Variants in KCNMA1 observed in about 807,000 individuals in gnomAD.
KCNMA1 encodes Calcium-activated potassium channel subunit alpha-1.
A neutral mutation model predicts 140.0 loss-of-function variants in KCNMA1; 29 were observed. The ratio of observed to expected loss-of-function variants is 0.21; its 90% confidence interval spans 0.15 to 0.28. The LOEUF is 0.28. Among genes scored for constraint, KCNMA1 ranks in the 10% least tolerant of loss-of-function variants. The probability of loss-of-function intolerance (pLI) is 1.00; values close to 1 mark genes in which losing one functional copy is unlikely to be tolerated. For synonymous variants in KCNMA1, 612 were observed against 611.9 expected (o/e 1.00, Z 0.00); for missense variants, 880 against 1,602.2 (o/e 0.55, Z 7.70).
chr10:77,268,362 C>T (rs925259979), intron 2 of KCNMA1, among the ~76,000 whole-genome samples: 1 of 152,158 alleles, frequency 6.6e-6, no homozygotes, highest in Non-Finnish European at 1.5e-5. Context: ...TCATGCTGTT[C>T]GCAGAGTATA....
intron 5 of KCNMA1, among the ~76,000 whole-genome samples, chr10:77,136,148 A>G (rs35338863): frequency 0.24 from 36,493 of 152,164 alleles, 5,291 homozygotes; most frequent in Middle Eastern, 0.34. Flanking sequence ...CATTTCTGGG[A>G]ATATAGCCTA....
chr10:77,022,921 T>A (rs1323580287), intron 16 of KCNMA1: 1 of 455,120 alleles, frequency 2.2e-6, no homozygotes, highest in Non-Finnish European at 4.4e-6. Flanking sequence ...TATCCCAATA[T>A]GTAAACAGCC....
At chr10:77,452,347 C>A (rs545693394) in intron 1 of KCNMA1, among the ~76,000 whole-genome samples, 33 of 152,100 alleles carry the variant, frequency 2.2e-4, no homozygotes, top group Non-Finnish European at 4.1e-4. Flanking sequence ...TGACATCCAG[C>A]CAGCATTCTT....
chr10:77,560,225 C>T (rs2065913137), intron 1 of KCNMA1, among the ~76,000 whole-genome samples: 1 of 152,118 alleles, frequency 6.6e-6, no homozygotes, highest in Non-Finnish European at 1.5e-5. Context: ...CAGGTTATGA[C>T]CCATCAGCAG....
intron 17 of KCNMA1, among the ~76,000 whole-genome samples, chr10:77,015,790 C>T (rs2091911819): frequency 6.6e-6 from 1 of 152,042 alleles, no homozygotes; most frequent in Non-Finnish European, 1.5e-5. Flanking sequence ...CTGCCCAATT[C>T]ATTGGGGGGT....
intron 21 of KCNMA1, among the ~76,000 whole-genome samples, chr10:76,950,301 A>G (rs184864314): frequency 1.3e-5 from 2 of 152,334 alleles, no homozygotes; most frequent in Admixed American, 1.3e-4. Context: ...TTCAGAGAAA[A>G]GATCTCCCCA....
At chr10:77,405,777 G>A (rs2096452757) in intron 1 of KCNMA1, among the ~76,000 whole-genome samples, 1 of 152,212 alleles carries the variant, frequency 6.6e-6, no homozygotes, top group Admixed American at 6.5e-5. Flanking sequence ...GTAAGGGGAA[G>A]AACCAAAGAC....
intron 1 of KCNMA1, among the ~76,000 whole-genome samples, chr10:77,547,703 G>A (rs907920570): frequency 3.3e-5 from 5 of 152,186 alleles, no homozygotes; most frequent in African/African-American, 1.2e-4. Context: ...CTAAGGAGAG[G>A]AGTCAACATG....
intron 14 of KCNMA1, chr10:77,071,552 G>A (rs1451995204): frequency 1.3e-5 from 2 of 152,146 alleles, no homozygotes; most frequent in African/African-American, 4.8e-5. Context: ...TGGCTTCAGG[G>A]TCTCGTCTCT....
intron 1 of KCNMA1, among the ~76,000 whole-genome samples, chr10:77,431,964 G>T (rs1285577501): frequency 6.6e-6 from 1 of 152,002 alleles, no homozygotes; most frequent in Non-Finnish European, 1.5e-5. Context: ...CTGCACTCCA[G>T]CCTGGCGACA....
chr10:76,877,684 T>C (rs2151422801), downstream of KCNMA1: 2 of 1,515,908 alleles, frequency 1.3e-6, no homozygotes, highest in South Asian at 2.4e-5. Context: ...AAAAGTCACA[T>C]CACCATTTAT....
At chr10:77,537,385 C>T (rs2059143715) in intron 1 of KCNMA1, among the ~76,000 whole-genome samples, 1 of 152,194 alleles carries the variant, frequency 6.6e-6, no homozygotes, top group African/African-American at 2.4e-5. Context: ...AGTGCCCACA[C>T]CTTGCTCCAA....
chr10:77,002,249 A>G (rs1306262588), intron 18 of KCNMA1, among the ~76,000 whole-genome samples: 2 of 152,212 alleles, frequency 1.3e-5, no homozygotes, highest in African/African-American at 4.8e-5. Flanking sequence ...CATATAAGAA[A>G]TGCAGCTACT....
chr10:77,222,239 C>T (rs186705425), intron 3 of KCNMA1, among the ~76,000 whole-genome samples: 1 of 152,252 alleles, frequency 6.6e-6, no homozygotes, highest in African/African-American at 2.4e-5. Context: ...TGGGATCACC[C>T]CTGGGAAATC....
chr10:76,981,232 C>G (rs1412269067), intron 19 of KCNMA1, among the ~76,000 whole-genome samples: 1 of 152,156 alleles, frequency 6.6e-6, no homozygotes, highest in East Asian at 1.9e-4. Flanking sequence ...CATTCCCACC[C>G]CCACCTGACC....
intron 2 of KCNMA1, among the ~76,000 whole-genome samples, chr10:77,341,152 T>C (rs1006777724): frequency 6.6e-5 from 10 of 152,196 alleles, no homozygotes; most frequent in Admixed American, 1.3e-4. Flanking sequence ...GTTCTGTATG[T>C]CCGTTGTTTT....
At chr10:77,602,351 G>T (rs1325026100) in intron 1 of KCNMA1, among the ~76,000 whole-genome samples, 1 of 152,196 alleles carries the variant, frequency 6.6e-6, no homozygotes, top group East Asian at 1.9e-4. Context: ...GGCCACAAGG[G>T]GCAAATCCGT....
chr10:77,117,724 T>C (rs972986487), intron 6 of KCNMA1, among the ~76,000 whole-genome samples: 1 of 152,110 alleles, frequency 6.6e-6, no homozygotes, highest in Non-Finnish European at 1.5e-5. Flanking sequence ...CCTCTGACAG[T>C]AGAATAAGTG....
chr10:76,998,972 G>A (rs1050389268), intron 19 of KCNMA1, among the ~76,000 whole-genome samples: 1 of 152,208 alleles, frequency 6.6e-6, no homozygotes. Context: ...ACGGCAGGAC[G>A]ACTGATGAAA....
Sources: gnomAD v4.1 joint callset for allele counts (sites outside exome capture counted in the v4.1 genomes callset) on GRCh38, gnomAD v4.1.1 for gene constraint, MANE v1.5 for transcripts, NCBI Gene and HGNC (gene_info 2026-07-23, HGNC 2026-07-21) for gene names.